The following CRADD variants were observed in gnomAD, a reference collection of about 807,000 sequenced individuals.
CRADD encodes death domain-containing protein CRADD.
A neutral mutation model predicts 15.5 loss-of-function variants in CRADD; 9 were observed. The ratio of observed to expected loss-of-function variants is 0.58; its 90% confidence interval spans 0.35 to 1.01. The LOEUF (loss-of-function observed/expected upper bound fraction) is 1.01. Among genes scored for constraint, CRADD ranks in the 50% least tolerant of loss-of-function variants. The pLI is 0.02. For synonymous variants in CRADD, 118 were observed against 107.6 expected, an observed-to-expected ratio of 1.10 and a Z score of -0.60; for missense variants, 227 against 250.3, an observed-to-expected ratio of 0.91 and a Z score of 0.63.
At chr12:93,805,488 C>G (rs1414833520) in intron 2 of CRADD, among the ~76,000 whole-genome samples, 4 of 151,344 alleles carry the variant, frequency 2.6e-5, no homozygotes, top group Non-Finnish European at 5.9e-5. Context: ...TTTTTTGAGC[C>G]AGTCCTCCGA....
intron 2 of CRADD, among the ~76,000 whole-genome samples, chr12:93,690,598 C>T (rs569454187): frequency 1.2e-3 from 178 of 152,330 alleles, no homozygotes; most frequent in African/African-American, 4.2e-3. Flanking sequence ...TATATAAACT[C>T]ACTTTATTAT....
At chr12:93,773,813 G>T (rs1234903228) in intron 2 of CRADD, among the ~76,000 whole-genome samples, 8 of 87,552 alleles carry the variant, frequency 9.1e-5, no homozygotes, top group South Asian at 5.1e-4. Flanking sequence ...TACTTTGTGA[G>T]TTTTTTTTTT....
chr12:93,730,924 C>T (rs1297133666), intron 2 of CRADD, among the ~76,000 whole-genome samples: 1 of 152,060 alleles, frequency 6.6e-6, no homozygotes, highest in Non-Finnish European at 1.5e-5. Context: ...CCATGTTGGC[C>T]AGGCTGGTCT....
intron 2 of CRADD, among the ~76,000 whole-genome samples, chr12:93,695,565 T>C (rs1356479704): frequency 2.6e-5 from 4 of 152,136 alleles, no homozygotes; most frequent in African/African-American, 9.7e-5. Context: ...ATGTCCAAAA[T>C]ACACCAGGAA....
At position 93,679,090 on chromosome 12, in the gene CRADD, C is replaced by A; in HGVS notation, c.298+18C>A. Reference sequence around the variant, plus strand: ...GCCTGCAGGTAGGCCTCAGAAAGATCACTTTGAACCAGCTCCAAAATGTTG... The same window carrying A: ...GCCTGCAGGTAGGCCTCAGAAAGATAACTTTGAACCAGCTCCAAAATGTTG... On this transcript the variant is annotated intron_variant, in intron 2 of 2. Coordinates refer to ENST00000332896, the MANE Select transcript of CRADD (RefSeq NM_003805.5). 6.3e-7 allele frequency: 1 copy of A among 1,583,368 alleles called. No homozygotes were observed. Among genetic ancestry groups the A allele is most frequent in the South Asian group, 1.1e-5 (1 of 88,484 alleles).
chr12:93,781,073 T>A (rs1012065419), intron 2 of CRADD, among the ~76,000 whole-genome samples: 15 of 152,054 alleles, frequency 9.9e-5, no homozygotes, highest in African/African-American at 3.1e-4. Flanking sequence ...TACTTTTTTT[T>A]AAAGGTTCTC....
At chr12:93,874,479 G>T (rs909912285) in intron 2 of CRADD, among the ~76,000 whole-genome samples, 5 of 151,320 alleles carry the variant, frequency 3.3e-5, no homozygotes, top group Non-Finnish European at 7.4e-5. Context: ...CCAATTTTGG[G>T]TTTGGTTTGC....
At chr12:93,742,109 A>G (rs1325886759) in intron 2 of CRADD, among the ~76,000 whole-genome samples, 1 of 152,180 alleles carries the variant, frequency 6.6e-6, no homozygotes, top group Non-Finnish European at 1.5e-5. Flanking sequence ...AAAGATGTCA[A>G]ACTCTCCTTT....
chr12:93,871,481 G>T (rs1215171075), intron 2 of CRADD, among the ~76,000 whole-genome samples: 1 of 151,992 alleles, frequency 6.6e-6, no homozygotes, highest in Non-Finnish European at 1.5e-5. Flanking sequence ...ACCCTGTTTT[G>T]CTATCAAATA....
chr12:93,886,817 T>C (rs1002686752), intron 2 of CRADD, among the ~76,000 whole-genome samples: 1 of 152,172 alleles, frequency 6.6e-6, no homozygotes, highest in Non-Finnish European at 1.5e-5. Context: ...TTTATTATCA[T>C]AGAAAATCAT....
chr12:93,742,284 A>G (rs1956681501), intron 2 of CRADD, among the ~76,000 whole-genome samples: 1 of 152,128 alleles, frequency 6.6e-6, no homozygotes, highest in Non-Finnish European at 1.5e-5. Context: ...TAATGTTTCT[A>G]GGGAACCCGG....
intron 2 of CRADD, among the ~76,000 whole-genome samples, chr12:93,801,856 A>T (rs1957480016): frequency 6.6e-6 from 1 of 152,062 alleles, no homozygotes; most frequent in South Asian, 2.1e-4. Context: ...ACCCCCTCCC[A>T]TCCGGCCACA....
At chr12:93,786,670 T>A (rs902169166) in intron 2 of CRADD, among the ~76,000 whole-genome samples, 1 of 152,170 alleles carries the variant, frequency 6.6e-6, no homozygotes, top group African/African-American at 2.4e-5. Flanking sequence ...TACTTGCCAG[T>A]AGAGGTAGAA....
At chr12:93,885,436 G>GCCCCCCCCCC (rs138828699) in intron 2 of CRADD, among the ~76,000 whole-genome samples, 1 of 151,400 alleles carries the variant, frequency 6.6e-6, no homozygotes, top group African/African-American at 2.4e-5. Flanking sequence ...AGGTCCTCGT[G>GCCCCCCCCCC]CCCCCGCCAC....
downstream of CRADD, among the ~76,000 whole-genome samples, chr12:93,855,103 G>T (rs1958261589): frequency 6.6e-6 from 1 of 152,136 alleles, no homozygotes; most frequent in Admixed American, 6.5e-5. Flanking sequence ...GCTGAGGCAG[G>T]AGAATTGCTT....
intron 2 of CRADD, among the ~76,000 whole-genome samples, chr12:93,711,055 C>CCCCTCTT: frequency 6.9e-5 from 3 of 43,508 alleles, no homozygotes; most frequent in Non-Finnish European, 1.3e-4. Context: ...CCACCCCCGC[C>CCCCTCTT]TTTTTTTTTT....
intron 2 of CRADD, among the ~76,000 whole-genome samples, chr12:93,753,054 C>G (rs892772635): frequency 6.6e-6 from 1 of 151,890 alleles, no homozygotes; most frequent in African/African-American, 2.4e-5. Context: ...GGGTTCTTCC[C>G]ACGACATGTG....
chr12:93,889,605 G>T (rs1461885045), intron 2 of CRADD, among the ~76,000 whole-genome samples: 4 of 152,132 alleles, frequency 2.6e-5, no homozygotes, highest in Non-Finnish European at 4.4e-5. Context: ...GAAGGGCCGT[G>T]GCTCCATGGC....
intron 2 of CRADD, among the ~76,000 whole-genome samples, chr12:93,720,297 T>C (rs1436447634): frequency 6.6e-6 from 1 of 152,224 alleles, no homozygotes; most frequent in African/African-American, 2.4e-5. Flanking sequence ...GCAGATTTTA[T>C]ATGGTTTCTA....
Sources: allele counts gnomAD v4.1 joint callset (sites outside exome capture counted in the v4.1 genomes callset), GRCh38; gene constraint gnomAD v4.1.1; transcripts MANE v1.5; gene names NCBI Gene and HGNC (gene_info 2026-07-23, HGNC 2026-07-21).